The following CTNNBL1 variants were observed in gnomAD, a reference collection of about 807,000 sequenced individuals.
CTNNBL1 encodes the protein beta-catenin-like protein 1.
In CTNNBL1, 31 loss-of-function variants were observed where a neutral mutation model predicts 72.7. The observed-to-expected ratio is 0.43, with a 90% CI of 0.32 to 0.58. CTNNBL1 has a LOEUF of 0.58. Ranked by LOEUF, CTNNBL1 falls within the 20% of genes least tolerant of loss-of-function variation. The probability of loss-of-function intolerance (pLI) is 0.08; values close to 1 mark genes in which losing one functional copy is unlikely to be tolerated. For synonymous variants in CTNNBL1, 240 were observed against 267.3 expected (o/e 0.90, Z 1.00); for missense variants, 534 against 725.1 (o/e 0.74, Z 3.03).
intron 1 of CTNNBL1, among the ~76,000 whole-genome samples, chr20:37,703,951 A>G (rs1159485814): frequency 1.3e-5 from 2 of 151,608 alleles, no homozygotes; most frequent in African/African-American, 4.9e-5. Context: ...CTAATTTTGT[A>G]TTTTTAGTAG....
chr20:37,746,697 C>A, intron 4 of CTNNBL1, 90 bp downstream of exon 4: 1 of 1,434,630 alleles, frequency 7.0e-7, no homozygotes, highest in African/African-American at 1.4e-5. Context: ...TAGATGTGTG[C>A]TATAAAATCT....
At chr20:37,832,103 C>T (rs1353740732) in intron 11 of CTNNBL1, 1 of 152,250 alleles carries the variant, frequency 6.6e-6, no homozygotes, top group Non-Finnish European at 1.5e-5. Context: ...CACACAAGCA[C>T]TTTATTTTAA....
At chr20:37,729,017 C>A (rs1387662708) in intron 1 of CTNNBL1, among the ~76,000 whole-genome samples, 1 of 152,182 alleles carries the variant, frequency 6.6e-6, no homozygotes, top group East Asian at 1.9e-4. Context: ...CTGGGACTGG[C>A]AGCTGATTAC....
intron 13 of CTNNBL1, among the ~76,000 whole-genome samples, chr20:37,845,028 A>G (rs931525129): frequency 1.3e-5 from 2 of 152,240 alleles, no homozygotes; most frequent in African/African-American, 2.4e-5. Context: ...TTGCTCAGTA[A>G]GTAGAAGCTC....
chr20:37,823,955 C>A (rs188484034), intron 11 of CTNNBL1, among the ~76,000 whole-genome samples: 39 of 152,302 alleles, frequency 2.6e-4, no homozygotes, highest in African/African-American at 9.1e-4. Context: ...ACCAAAGTCT[C>A]ATTTTAGGAT....
chr20:37,757,998 C>T (rs529872035), intron 5 of CTNNBL1, among the ~76,000 whole-genome samples: 6 of 152,322 alleles, frequency 3.9e-5, no homozygotes, highest in African/African-American at 9.6e-5. Flanking sequence ...CCCATGGTCA[C>T]ACAGCCAGGA....
intron 15 of CTNNBL1, among the ~76,000 whole-genome samples, chr20:37,860,859 ATTG>A (rs1267774229): frequency 4.6e-5 from 7 of 152,142 alleles, no homozygotes; most frequent in Non-Finnish European, 2.9e-5. Flanking sequence ...TTATTTAGTT[ATTG>A]TTGTTAATCT....
intron 1 of CTNNBL1, among the ~76,000 whole-genome samples, chr20:37,702,129 C>T (rs770783967): frequency 5.9e-5 from 9 of 152,198 alleles, no homozygotes; most frequent in Non-Finnish European, 1.2e-4. Context: ...TATCCTCCTG[C>T]CTCAGTCTCC....
chr20:37,764,183 G>A (rs1446198328), intron 5 of CTNNBL1, among the ~76,000 whole-genome samples: 1 of 152,188 alleles, frequency 6.6e-6, no homozygotes, highest in Non-Finnish European at 1.5e-5. Context: ...CATTTCATAA[G>A]TGAGGAAACC....
At chr20:37,820,818 G>T (rs2122770372) in intron 11 of CTNNBL1, among the ~76,000 whole-genome samples, 1 of 152,306 alleles carries the variant, frequency 6.6e-6, no homozygotes, top group Middle Eastern at 3.4e-3. Context: ...GTCTCAGGTA[G>T]TATCTTTATA....
At chr20:37,758,348 A>G (rs976473899) in intron 5 of CTNNBL1, among the ~76,000 whole-genome samples, 1 of 152,230 alleles carries the variant, frequency 6.6e-6, no homozygotes, top group South Asian at 2.1e-4. Flanking sequence ...TGATCCACAC[A>G]GCAGCTAACC....
chr20:37,777,127 C>A (rs933854968), intron 7 of CTNNBL1: 11 of 474,996 alleles, frequency 2.3e-5, no homozygotes, highest in Admixed American at 3.3e-5. Flanking sequence ...AACCTTAATA[C>A]CTGGGCATTA....
intron 11 of CTNNBL1, among the ~76,000 whole-genome samples, chr20:37,828,191 C>T (rs1156959886): frequency 5.9e-5 from 9 of 152,146 alleles, no homozygotes; most frequent in Non-Finnish European, 1.3e-4. Context: ...GACTGAGACG[C>T]GGGCCTGGCC....
chr20:37,706,784 T>C (rs559296408), intron 1 of CTNNBL1, among the ~76,000 whole-genome samples: 1 of 152,350 alleles, frequency 6.6e-6, no homozygotes, highest in Non-Finnish European at 1.5e-5. Context: ...TTTGCCCAGA[T>C]CCATCAGAAG....
intron 9 of CTNNBL1, 79 bp downstream of exon 9, chr20:37,777,791 G>A (rs965859578): frequency 4.9e-6 from 7 of 1,422,520 alleles, no homozygotes; most frequent in African/African-American, 2.8e-5. Flanking sequence ...GAAACTGTGG[G>A]AAGGAATAAG....
intron 1 of CTNNBL1, among the ~76,000 whole-genome samples, chr20:37,723,743 C>T (rs2073061140): frequency 6.6e-6 from 1 of 152,132 alleles, no homozygotes; most frequent in African/African-American, 2.4e-5. Context: ...TCACAACAAC[C>T]CTTTGAGGTG....
At chr20:37,802,801 T>C (rs923430819) in intron 10 of CTNNBL1, 66 bp from the exon 11 acceptor site, 53 of 407,534 alleles carry the variant, frequency 1.3e-4, no homozygotes, top group Admixed American at 9.1e-4. Context: ...GCAAATACCC[T>C]TTTTTTTTTT....
At chr20:37,867,591 G>T (rs898687943) in intron 15 of CTNNBL1, among the ~76,000 whole-genome samples, 1 of 152,146 alleles carries the variant, frequency 6.6e-6, no homozygotes, top group Admixed American at 6.5e-5. Flanking sequence ...AGGAGTTGAC[G>T]TGTATGCCGT....
intron 5 of CTNNBL1, among the ~76,000 whole-genome samples, chr20:37,763,582 A>T (rs905849266): frequency 6.6e-6 from 1 of 152,190 alleles, no homozygotes; most frequent in African/African-American, 2.4e-5. Flanking sequence ...TTCAAGATCT[A>T]TGCCACCTAC....
Sources: allele counts gnomAD v4.1 joint callset (sites outside exome capture counted in the v4.1 genomes callset), GRCh38; gene constraint gnomAD v4.1.1; transcripts MANE v1.5; gene names NCBI Gene and HGNC (gene_info 2026-07-23, HGNC 2026-07-21).